Variants in TUSC3 observed in about 807,000 individuals in gnomAD.
TUSC3 encodes the protein dolichyl-diphosphooligosaccharide--protein glycosyltransferase subunit TUSC3.
In TUSC3, 45 loss-of-function variants were observed where a neutral mutation model predicts 44.8. The ratio of observed to expected loss-of-function variants is 1.00; its 90% confidence interval spans 0.79 to 1.29. The LOEUF (loss-of-function observed/expected upper bound fraction) is 1.29. TUSC3 is among the 50% of genes most tolerant of loss of function. The probability of loss-of-function intolerance (pLI) is 0.00; values close to 1 mark genes in which losing one functional copy is unlikely to be tolerated. For synonymous variants in TUSC3, 212 were observed against 152.9 expected (o/e 1.39, Z -2.85); for missense variants, 519 against 437.9 (o/e 1.19, Z -1.65).
At chr8:15,843,553 C>G in the TUSC3 span, among the ~76,000 whole-genome samples, 1 of 150,300 alleles carries the variant, frequency 6.7e-6, no homozygotes, top group Admixed American at 6.6e-5. Flanking sequence ...TCAAAAATGA[C>G]TTTACACAGG....
chr8:15,730,884 T>C (rs1787028398), intron 7 of TUSC3, among the ~76,000 whole-genome samples, 155 bp downstream of exon 7: 2 of 152,130 alleles, frequency 1.3e-5, no homozygotes, highest in Admixed American at 1.3e-4. Flanking sequence ...ATGCTAATTA[T>C]TTCCTATTAC....
the TUSC3 span, among the ~76,000 whole-genome samples, chr8:15,794,905 A>G: frequency 6.6e-6 from 1 of 152,170 alleles, no homozygotes; most frequent in Non-Finnish European, 1.5e-5. Flanking sequence ...AAACAAAGAA[A>G]GTCACAAGAT....
At chr8:15,730,998 C>T (rs1307681257) in intron 7 of TUSC3, among the ~76,000 whole-genome samples, 1 of 151,860 alleles carries the variant, frequency 6.6e-6, no homozygotes, top group Non-Finnish European at 1.5e-5. Context: ...TGATCTCTGG[C>T]TAGATTTTTT....
At position 15,586,091 on chromosome 8, in the gene TUSC3, G is replaced by T. The variant is rs569518969; in HGVS notation, c.139-36989G>T. 8.4e-5 allele frequency among the ~76,000 whole-genome samples: 12 copies of T among 143,386 alleles called. 1 individual carries two copies. The highest frequency in any genetic ancestry group is 7.0e-4 in the Admixed American group (10 of 14,372). The allele number at this position is 143,386 out of a possible 152,430, so 94.1% of individuals were successfully genotyped here. A position where few individuals can be genotyped will look rare whatever the true frequency, so the allele number is the denominator to read the frequency against. ...AAACCAGGAAAAATATTTTAAAGAT[G>T]GAATGATTAACAGTGCTAAATAATT... On this transcript the variant is annotated intron_variant, in intron 1 of 10. Coordinates refer to ENST00000503731, the MANE Select transcript of TUSC3 (RefSeq NM_006765.4).
At chr8:15,700,155 A>G (rs1460911008) in intron 6 of TUSC3, among the ~76,000 whole-genome samples, 3 of 152,162 alleles carry the variant, frequency 2.0e-5, no homozygotes. Flanking sequence ...TCAACTCCAA[A>G]TAATCTCTGG....
chr8:15,688,172 C>T (rs996511299), intron 6 of TUSC3, among the ~76,000 whole-genome samples: 5 of 151,710 alleles, frequency 3.3e-5, no homozygotes, highest in East Asian at 1.9e-4. Context: ...TTATTTTCAT[C>T]GTATCAATAA....
chr8:15,756,484 CATT>C (rs1274333368), intron 9 of TUSC3, among the ~76,000 whole-genome samples: 1 of 152,080 alleles, frequency 6.6e-6, no homozygotes, highest in Non-Finnish European at 1.5e-5. Context: ...TACTTTGTCG[CATT>C]ATGTTTTTCA....
chr8:15,650,556 A>T, intron 2 of TUSC3, 141 bp from the exon 3 acceptor site: 1 of 673,778 alleles, frequency 1.5e-6, no homozygotes, highest in Non-Finnish European at 2.6e-6. Context: ...TTTTTAAAAA[A>T]AAATATTTTA....
intron 2 of TUSC3, among the ~76,000 whole-genome samples, chr8:15,635,061 T>C (rs1182609822): frequency 2.6e-5 from 4 of 152,154 alleles, no homozygotes; most frequent in Admixed American, 6.6e-5. Flanking sequence ...CTAAGCCTTT[T>C]TTTTTTCCCC....
chr8:15,817,522 C>A, the TUSC3 span, among the ~76,000 whole-genome samples: 39 of 152,196 alleles, frequency 2.6e-4, no homozygotes, highest in African/African-American at 7.5e-4. Context: ...GTAATTGAAT[C>A]ATGGGGGTGG....
chr8:15,691,570 G>C (rs912398882), intron 6 of TUSC3, among the ~76,000 whole-genome samples: 1 of 152,142 alleles, frequency 6.6e-6, no homozygotes, highest in African/African-American at 2.4e-5. Context: ...GTAAGAGAAG[G>C]CATCTTTATC....
Position 15,654,562 on chromosome 8 carries a change from A to C in TUSC3, c.426+3748A>C, listed in dbSNP as rs960819539. ...GTGTTTACAAATCAGTCTTCTAATG[A>C]ACTTATTAAAAAAGGTTTATGAAAA... On this transcript the variant is annotated intron_variant, in intron 3 of 10. Transcript: ENST00000503731. 2.6e-5 allele frequency among the ~76,000 whole-genome samples: 4 copies of C among 152,264 alleles called. No homozygotes were observed. In the East Asian group the frequency reaches 7.7e-4, roughly 29 times the overall value.
chr8:15,850,608 G>A, the TUSC3 span, among the ~76,000 whole-genome samples: 1 of 151,944 alleles, frequency 6.6e-6, no homozygotes, highest in Admixed American at 6.6e-5. Flanking sequence ...AGTTACTGTT[G>A]GCTTTTGAAA....
At chr8:15,634,474 G>C (rs557761215) in intron 2 of TUSC3, among the ~76,000 whole-genome samples, 17 of 152,308 alleles carry the variant, frequency 1.1e-4, no homozygotes, top group Non-Finnish European at 2.4e-4. Context: ...AAACATGAGA[G>C]AAAGGGCAAT....
At chr8:15,455,705 C>G (rs1281498630) in intron 1 of TUSC3, among the ~76,000 whole-genome samples, 4 of 152,162 alleles carry the variant, frequency 2.6e-5, no homozygotes, top group Non-Finnish European at 5.9e-5. Context: ...GAGATCTGAT[C>G]CAGCCAAACC....
intron 2 of TUSC3, among the ~76,000 whole-genome samples, chr8:15,525,396 T>C (rs904993058): frequency 2.0e-5 from 3 of 152,212 alleles, no homozygotes; most frequent in Non-Finnish European, 1.5e-5. Context: ...TTGGATTCTG[T>C]TAAATTCTAA....
chr8:15,668,777 C>G (rs1037056624), intron 5 of TUSC3, among the ~76,000 whole-genome samples: 5 of 151,724 alleles, frequency 3.3e-5, no homozygotes, highest in African/African-American at 1.2e-4. Context: ...TGTCTAGTGT[C>G]ACTTTTGTCC....
intron 10 of TUSC3, among the ~76,000 whole-genome samples, chr8:15,760,213 G>T (rs1812114187): frequency 6.6e-6 from 1 of 152,110 alleles, no homozygotes; most frequent in South Asian, 2.1e-4. Context: ...ATACAGGTAA[G>T]CAAAATGAAG....
intron 1 of TUSC3, among the ~76,000 whole-genome samples, chr8:15,425,079 C>T (rs1282195127): frequency 6.6e-6 from 1 of 152,120 alleles, no homozygotes; most frequent in Non-Finnish European, 1.5e-5. Context: ...TAAAAACTGA[C>T]ATCTCTTTAG....
Sources: gnomAD v4.1 joint callset for allele counts (sites outside exome capture counted in the v4.1 genomes callset) on GRCh38, gnomAD v4.1.1 for gene constraint, MANE v1.5 for transcripts, NCBI Gene and HGNC (gene_info 2026-07-23, HGNC 2026-07-21) for gene names.